PTPRN2: variants seen among roughly 807,000 people sequenced by gnomAD.
PTPRN2 encodes protein tyrosine phosphatase receptor type N2.
A neutral mutation model predicts 118.8 loss-of-function variants in PTPRN2; 74 were observed. The observed-to-expected ratio is 0.62, with a 90% CI of 0.52 to 0.76. The LOEUF is 0.76. Ranked by LOEUF, PTPRN2 falls within the 30% of genes least tolerant of loss-of-function variation. The probability of loss-of-function intolerance (pLI) is 0.00; values close to 1 mark genes in which losing one functional copy is unlikely to be tolerated. For synonymous variants in PTPRN2, 641 were observed against 608.0 expected (o/e 1.05, Z -0.80); for missense variants, 1,481 against 1,394.4 (o/e 1.06, Z -0.99).
rs200847869 is a variant in PTPRN2, at chr7:157,848,090, TG to T, written c.1788+50582del. On this transcript the variant is annotated intron_variant, in intron 12 of 22. Coordinates refer to ENST00000389418, the MANE Select transcript of PTPRN2 (RefSeq NM_002847.5). ...CTCTCACTCCCTCATGGGTGCCGTA[TG>T]TTTACAGATGTTTACAGAGCCCTCT... 2.8e-3 allele frequency among the ~76,000 whole-genome samples: 404 copies of T among 146,174 alleles called. 2 individuals are homozygous for T. The highest frequency in any genetic ancestry group is 5.0e-3 in the South Asian group (22 of 4,360).
rs887270114 is a variant in PTPRN2, at chr7:158,280,030, C to T, written c.277+36789G>A. Among the ~76,000 whole-genome samples the T allele has an allele frequency of 3.3e-5, 5 of 150,736 alleles. No homozygotes were observed. The East Asian group carries it at 7.8e-4, about 24-fold the overall frequency. ...CTGCCCCCGAACCCACAGAGCCCCG[C>T]GGCGGCCCCCACGCCCCACCGCTGC... On this transcript the variant is annotated intron_variant, in intron 3 of 22. Transcript: ENST00000389418.
chr7:158,257,194 G>A (rs981251989), intron 3 of PTPRN2, among the ~76,000 whole-genome samples: 6 of 152,164 alleles, frequency 3.9e-5, no homozygotes, highest in African/African-American at 1.4e-4. Flanking sequence ...GTTTGCCCTG[G>A]ACCAGCGTGT....
At chr7:158,561,481 T>C (rs1424129132) in intron 1 of PTPRN2, among the ~76,000 whole-genome samples, 1 of 152,194 alleles carries the variant, frequency 6.6e-6, no homozygotes, top group African/African-American at 2.4e-5. Flanking sequence ...GACCAAATGG[T>C]GTTACACACC....
intron 12 of PTPRN2, among the ~76,000 whole-genome samples, chr7:157,798,766 T>G (rs1256850528): frequency 1.4e-5 from 2 of 146,192 alleles, no homozygotes; most frequent in Non-Finnish European, 3.0e-5. Flanking sequence ...GTATTACAGA[T>G]GGCTCTACAC....
chr7:157,912,363 AT>A (rs1358012566), intron 11 of PTPRN2, among the ~76,000 whole-genome samples: 3 of 152,092 alleles, frequency 2.0e-5, no homozygotes, highest in African/African-American at 7.2e-5. Context: ...CTACTGGGTT[AT>A]TTGTCTTTTT....
At chr7:158,235,108 C>T (rs537301459) in intron 3 of PTPRN2, among the ~76,000 whole-genome samples, 140 of 151,456 alleles carry the variant, frequency 9.2e-4, no homozygotes, top group Admixed American at 2.4e-3. Flanking sequence ...ATGGCTGGCA[C>T]GGATGTGGAG....
chr7:157,947,794 T>C (rs1438608004), intron 11 of PTPRN2, among the ~76,000 whole-genome samples: 2 of 152,156 alleles, frequency 1.3e-5, no homozygotes, highest in Non-Finnish European at 2.9e-5. Flanking sequence ...AGACAGAAAT[T>C]TGAAAGCAGC....
chr7:157,989,622 T>G (rs1402609588), intron 11 of PTPRN2, among the ~76,000 whole-genome samples: 3 of 122,980 alleles, frequency 2.4e-5, no homozygotes, highest in Non-Finnish European at 3.4e-5. Flanking sequence ...ATGAGGGGGG[T>G]GGGTGCCTTC....
Position 157,590,528 on chromosome 7 carries a change from A to G in PTPRN2, c.2496+4710T>C, listed in dbSNP as rs1029957347. On this transcript the variant is annotated intron_variant, in intron 17 of 22. Coordinates refer to ENST00000389418, the MANE Select transcript of PTPRN2 (RefSeq NM_002847.5). This position sits in a 1 kb window ranked among gnomAD's most constrained non-coding sequence, Gnocchi z 4.0. ...TGAAATGCATCCAGTGTCCATATAGAGCTGGTTCACTGCAGGAAAGCACCA... is the reference window on the plus strand; with the variant it reads ...TGAAATGCATCCAGTGTCCATATAGGGCTGGTTCACTGCAGGAAAGCACCA... 6.6e-6 allele frequency among the ~76,000 whole-genome samples: 1 copy of G among 152,222 alleles called. No homozygotes were observed. The highest frequency in any genetic ancestry group is 2.4e-5 in the African/African-American group (1 of 41,456).
At chr7:157,599,461 T>C (rs947154601) in intron 16 of PTPRN2, among the ~76,000 whole-genome samples, 2 of 152,236 alleles carry the variant, frequency 1.3e-5, no homozygotes, top group African/African-American at 4.8e-5. Flanking sequence ...GATGGCCTAG[T>C]GATGTGCCTT....
At chr7:158,027,190 C>T (rs1361245358) in intron 11 of PTPRN2, among the ~76,000 whole-genome samples, 1 of 152,176 alleles carries the variant, frequency 6.6e-6, no homozygotes, top group Non-Finnish European at 1.5e-5. Context: ...TAGGCCAGGC[C>T]CTGGTCATCC....
At position 157,813,835 on chromosome 7, in the gene PTPRN2, G is replaced by A. The variant is rs544853861; in HGVS notation, c.1788+84838C>T. On this transcript the variant is annotated intron_variant, in intron 12 of 22. Transcript: ENST00000389418. The surrounding 1 kb of genome is among the most constrained non-coding windows in gnomAD (Gnocchi z 4.7). Reference sequence around the variant, plus strand: ...GCCTGGAGCGCGGGTAAAACAGCTCGGGGCCAGCCAGAGCTTCTGAGCCAG... The same window carrying A: ...GCCTGGAGCGCGGGTAAAACAGCTCAGGGCCAGCCAGAGCTTCTGAGCCAG... Among the ~76,000 whole-genome samples the A allele has an allele frequency of 5.9e-5, 9 of 152,338 alleles. No homozygotes were observed. Among genetic ancestry groups the A allele is most frequent in the African/African-American group, 1.2e-4 (5 of 41,584 alleles).
At chr7:158,537,199 T>A (rs910537541) in intron 1 of PTPRN2, among the ~76,000 whole-genome samples, 1 of 150,052 alleles carries the variant, frequency 6.7e-6, no homozygotes, top group African/African-American at 2.4e-5. Flanking sequence ...TAAACATCCA[T>A]TGTTTAAGCC....
intron 13 of PTPRN2, among the ~76,000 whole-genome samples, chr7:157,668,567 G>T (rs1158233160): frequency 6.6e-6 from 1 of 152,202 alleles, no homozygotes; most frequent in East Asian, 1.9e-4. Flanking sequence ...GAGGAATAAA[G>T]GCCACTCTCC....
intron 11 of PTPRN2, among the ~76,000 whole-genome samples, chr7:157,924,363 C>T (rs1486973706): frequency 2.6e-5 from 4 of 152,314 alleles, no homozygotes; most frequent in East Asian, 1.9e-4. Flanking sequence ...CTGCAGCTGG[C>T]GAGGTGCACA....
At chr7:158,231,047 G>T (rs1313913311) in intron 3 of PTPRN2, among the ~76,000 whole-genome samples, 1 of 152,132 alleles carries the variant, frequency 6.6e-6, no homozygotes, top group African/African-American at 2.4e-5. Flanking sequence ...TGAGAGAATT[G>T]CTTGTGTCTG....
intron 2 of PTPRN2, among the ~76,000 whole-genome samples, chr7:158,456,554 G>A (rs569810574): frequency 3.9e-4 from 57 of 146,678 alleles, no homozygotes; most frequent in African/African-American, 1.2e-3. Flanking sequence ...AGAACATAAC[G>A]GCACGGATGC....
chr7:157,633,334 G>T (rs966537114), intron 14 of PTPRN2, among the ~76,000 whole-genome samples: 6 of 152,054 alleles, frequency 3.9e-5, no homozygotes, highest in African/African-American at 1.4e-4. Flanking sequence ...GTAGAGACAG[G>T]GTTTTACCAT....
chr7:157,884,031 G>T (rs1444147364), intron 12 of PTPRN2, among the ~76,000 whole-genome samples: 3 of 150,150 alleles, frequency 2.0e-5, no homozygotes, highest in Admixed American at 6.6e-5. Flanking sequence ...ACCCCAAAAT[G>T]ACTGTCGAAA....
Sources: gnomAD v4.1 joint callset for allele counts (sites outside exome capture counted in the v4.1 genomes callset) on GRCh38, gnomAD v4.1.1 for gene constraint, Gnocchi (gnomAD v3.1) non-coding constraint, MANE v1.5 for transcripts, NCBI Gene and HGNC (gene_info 2026-07-23, HGNC 2026-07-21) for gene names.